RTTN: variants seen among roughly 807,000 people sequenced by gnomAD.
RTTN encodes the protein rotatin.
In RTTN, 182 loss-of-function variants were observed where a neutral mutation model predicts 269.2. That is an observed-to-expected ratio of 0.68 (90% CI 0.60 to 0.76). RTTN has a LOEUF of 0.76. Among genes scored for constraint, RTTN ranks in the 30% least tolerant of loss-of-function variants. The pLI is 0.00. For synonymous variants in RTTN, 1,006 were observed against 963.5 expected, an observed-to-expected ratio of 1.04 and a Z score of -0.82; for missense variants, 2,545 against 2,608.6, an observed-to-expected ratio of 0.98 and a Z score of 0.53.
Position 70,166,104 on chromosome 18 carries a change from T to C in RTTN, c.1887A>G (p.Arg629=). The C allele has an allele frequency of 6.2e-7, 1 of 1,613,846 alleles. No individual in the cohort carries two copies. Among genetic ancestry groups the C allele is most frequent in the Non-Finnish European group, 8.5e-7 (1 of 1,179,774 alleles). Residue 629 remains arginine (R), a synonymous_variant, in exon 14 of 49, where the codon CGA becomes CGG. Coordinates refer to ENST00000640769, the MANE Select transcript of RTTN (RefSeq NM_173630.4). ...AGCAGTGGTAAGTTTCAGCTTTCAC[T>C]CGTGGCAATGGGTGAGACAACATAT... is the stretch of plus-strand genomic sequence containing the variant. ...LLHMLSHPLP[R]VKAETYHCCL...
intron 23 of RTTN, among the ~76,000 whole-genome samples, chr18:70,133,765 T>C (rs2060054678): frequency 6.6e-6 from 1 of 152,154 alleles, no homozygotes; most frequent in South Asian, 2.1e-4. Context: ...TAATATTCTA[T>C]GTCAATCTGT....
At chr18:70,132,072 T>G (rs1015322637) in intron 23 of RTTN, 1 of 152,084 alleles carries the variant, frequency 6.6e-6, no homozygotes, top group African/African-American at 2.4e-5. Context: ...GAGTGAATTC[T>G]ATATGATGAA....
chr18:70,023,071 C>T (rs1002629013), intron 44 of RTTN, among the ~76,000 whole-genome samples: 2 of 152,148 alleles, frequency 1.3e-5, no homozygotes, highest in Non-Finnish European at 2.9e-5. Flanking sequence ...TCAGTTACTT[C>T]TGAGACTGGA....
intron 23 of RTTN, chr18:70,129,042 C>T (rs1035513602): frequency 6.6e-6 from 1 of 152,146 alleles, no homozygotes; most frequent in African/African-American, 2.4e-5. Flanking sequence ...TGAATTCCAG[C>T]TTATTGTTTT....
At chr18:70,037,343 G>A (rs1182099124) in intron 40 of RTTN, among the ~76,000 whole-genome samples, 1 of 152,176 alleles carries the variant, frequency 6.6e-6, no homozygotes, top group East Asian at 1.9e-4. Flanking sequence ...CAGGCAGTGC[G>A]GCTCGCAGCA....
chr18:70,005,241 T>G lies in RTTN; in HGVS notation c.6552A>C (p.Ser2184=), dbSNP rs746073586. The G allele has an allele frequency of 1.9e-6, 3 of 1,612,994 alleles. No homozygotes were observed. The highest frequency in any genetic ancestry group is 1.1e-5 in the South Asian group (1 of 90,940). The change falls in exon 48 of 49, where the codon TCA becomes TCC. Residue 2184 remains serine (S), a synonymous_variant. Transcript: ENST00000640769. ...QKAKTALKSP[S]VKRRVDEAYS... ...ATGCTTCATCCACTCTTCTTTTTACTGATGGGCTTTTCAAAGCTGTTTTTG... is the reference window on the plus strand; with the variant it reads ...ATGCTTCATCCACTCTTCTTTTTACGGATGGGCTTTTCAAAGCTGTTTTTG...
rs1283339606 is a variant in RTTN at position 70,051,408 on chromosome 18, T to C, written c.5323+3A>G. The C allele has an allele frequency of 2.5e-6, 4 of 1,600,100 alleles. No individual in the cohort carries two copies. Among genetic ancestry groups the C allele is most frequent in the Admixed American group, 1.8e-5 (1 of 55,374 alleles). The stretch of plus-strand genomic sequence containing the variant: ...CCCCAAGATTATGCAAGTATCTTCT[T>C]ACCAATCGCCGCTGTCCAGTGCTTG... On this transcript the variant is annotated splice_donor_region_variant and intron_variant, in intron 39 of 48. Transcript: ENST00000640769.
intron 32 of RTTN, among the ~76,000 whole-genome samples, chr18:70,081,089 C>T (rs554297161): frequency 6.6e-6 from 1 of 152,218 alleles, no homozygotes; most frequent in East Asian, 1.9e-4. Flanking sequence ...AACCAAACAT[C>T]AAATGTTCTC....
At chr18:70,169,785 A>C (rs1202092925) in intron 11 of RTTN, among the ~76,000 whole-genome samples, 1 of 152,192 alleles carries the variant, frequency 6.6e-6, no homozygotes, top group African/African-American at 2.4e-5. Context: ...CAGGATTCTA[A>C]ATATCAATTA....
intron 32 of RTTN, among the ~76,000 whole-genome samples, chr18:70,081,325 A>T (rs2058562093): frequency 6.6e-6 from 1 of 152,146 alleles, no homozygotes; most frequent in Non-Finnish European, 1.5e-5. Context: ...CTATGGGGGA[A>T]AAAAAAGTAA....
At chr18:70,139,118 T>C (rs932076197) in intron 21 of RTTN, among the ~76,000 whole-genome samples, 19 of 152,082 alleles carry the variant, frequency 1.2e-4, no homozygotes, top group Admixed American at 3.9e-4. Flanking sequence ...TTTTATAGAA[T>C]GTAATAAATT....
At chr18:70,050,172 C>A (rs1329068343) in intron 39 of RTTN, among the ~76,000 whole-genome samples, 1 of 152,056 alleles carries the variant, frequency 6.6e-6, no homozygotes, top group Non-Finnish European at 1.5e-5. Flanking sequence ...GTAATCTATC[C>A]ATCTGACAAA....
rs1034136979 is a variant in RTTN at position 70,082,452 on chromosome 18, A to G, written c.4374+4161T>C. Among the ~76,000 whole-genome samples, 28 of 152,174 alleles carry G rather than the reference A, an allele frequency of 1.8e-4. 1 individual carries two copies. The highest frequency in any genetic ancestry group is 6.8e-4 in the African/African-American group (28 of 41,450). On this transcript the variant is annotated intron_variant, in intron 32 of 48. Transcript: ENST00000640769. ...TACATCAATAATCCATCTCTAATCAATAGATTTCTTGTTATAATCAACTCT... is the reference window on the plus strand; with the variant it reads ...TACATCAATAATCCATCTCTAATCAGTAGATTTCTTGTTATAATCAACTCT...
chr18:70,069,919 T>C (rs961986896), intron 34 of RTTN, among the ~76,000 whole-genome samples: 2 of 152,198 alleles, frequency 1.3e-5, no homozygotes, highest in African/African-American at 4.8e-5. Context: ...TGTGTTCATT[T>C]TAATAAATAA....
chr18:70,025,933 C>G (rs912341210), intron 43 of RTTN, among the ~76,000 whole-genome samples: 2 of 152,194 alleles, frequency 1.3e-5, no homozygotes, highest in Admixed American at 6.5e-5. Flanking sequence ...CTTGCTATCT[C>G]TTAAACAACT....
chr18:70,130,349 T>G (rs1476654121), intron 23 of RTTN: 1 of 152,092 alleles, frequency 6.6e-6, no homozygotes, highest in East Asian at 1.9e-4. Flanking sequence ...GTAGCACTAT[T>G]CACAATAACC....
chr18:70,176,415 G>A (rs545568322), intron 11 of RTTN, among the ~76,000 whole-genome samples: 48 of 152,144 alleles, frequency 3.2e-4, no homozygotes, highest in South Asian at 8.3e-4. Flanking sequence ...ATAAACAAAC[G>A]TACAGACTGC....
chr18:70,014,853 C>CA (rs1452288416), intron 46 of RTTN, among the ~76,000 whole-genome samples: 1 of 152,190 alleles, frequency 6.6e-6, no homozygotes, highest in African/African-American at 2.4e-5. Flanking sequence ...TACTCCTCAA[C>CA]AAAAGCCAAG....
At chr18:70,135,134 C>A in intron 22 of RTTN, 50 bp downstream of exon 22, 1 of 1,032,806 alleles carries the variant, frequency 9.7e-7, no homozygotes, top group South Asian at 1.5e-5. Context: ...ACATCAGATA[C>A]CTGAGATAAA....
Sources: allele counts gnomAD v4.1 joint callset (sites outside exome capture counted in the v4.1 genomes callset), GRCh38; gene constraint gnomAD v4.1.1; transcripts MANE v1.5; gene names NCBI Gene and HGNC (gene_info 2026-07-23, HGNC 2026-07-21).